The following ITGA2 variants were observed in gnomAD, a reference collection of about 807,000 sequenced individuals.
ITGA2 encodes integrin subunit alpha 2.
In ITGA2, 101 loss-of-function variants were observed where a neutral mutation model predicts 146.3. The ratio of observed to expected loss-of-function variants is 0.69; its 90% confidence interval spans 0.59 to 0.81. ITGA2 has a LOEUF of 0.81. ITGA2 is among the 40% of genes least tolerant of loss of function. The pLI is 0.00. For synonymous variants in ITGA2, 477 were observed against 487.1 expected (o/e 0.98, Z 0.27); for missense variants, 1,281 against 1,402.7 (o/e 0.91, Z 1.39).
intron 3 of ITGA2, 116 bp downstream of exon 3, chr5:53,042,337 A>C: frequency 1.3e-6 from 1 of 743,160 alleles, no homozygotes; most frequent in South Asian, 1.4e-5. Flanking sequence ...TTTTGCCCTT[A>C]TGTCTTTAGT....
intron 7 of ITGA2, among the ~76,000 whole-genome samples, chr5:53,055,319 A>G (rs763755576): frequency 2.6e-5 from 4 of 152,118 alleles, no homozygotes; most frequent in Non-Finnish European, 5.9e-5. Flanking sequence ...ATATGCCCTG[A>G]CACACAAGAC....
At chr5:53,005,194 A>T (rs1168657389) in intron 1 of ITGA2, among the ~76,000 whole-genome samples, 1 of 152,048 alleles carries the variant, frequency 6.6e-6, no homozygotes, top group Non-Finnish European at 1.5e-5. Flanking sequence ...CCATGGAAGG[A>T]TAATATTTTC....
At chr5:53,056,498 A>G (rs1744641633) in intron 9 of ITGA2, among the ~76,000 whole-genome samples, 1 of 151,978 alleles carries the variant, frequency 6.6e-6, no homozygotes. Flanking sequence ...AAGCTCATAC[A>G]CTGTTGATAG....
In ITGA2 at chr5:53,092,025, A is replaced by G. The variant is rs765727599; in HGVS notation, c.*1426A>G. On this transcript the variant is annotated 3_prime_UTR_variant, in exon 30 of 30. Transcript: ENST00000296585. ...CCTGAGATGATTTGGTCAGATTGGG[A>G]TAAGGCCCAGCAATCTGCATTTTAA... 3.3e-5 allele frequency: 5 copies of G among 152,168 alleles called. No individual in the cohort carries two copies. The highest frequency in any genetic ancestry group is 7.4e-5 in the Non-Finnish European group (5 of 68,020). 9.4% of individuals were successfully genotyped at this position (152,168 alleles called of 1,614,324 possible). A position where few individuals can be genotyped will look rare whatever the true frequency, so the allele number is the denominator to read the frequency against.
intron 3 of ITGA2, among the ~76,000 whole-genome samples, chr5:53,044,210 G>C (rs915235457): frequency 2.2e-5 from 3 of 134,252 alleles, no homozygotes; most frequent in African/African-American, 8.3e-5. Context: ...GGGAGGCAGA[G>C]GTTGCAGTGA....
intron 1 of ITGA2, among the ~76,000 whole-genome samples, chr5:53,008,169 C>A (rs186037520): frequency 6.6e-6 from 1 of 151,788 alleles, no homozygotes; most frequent in Admixed American, 6.6e-5. Flanking sequence ...GTTAAAAGTT[C>A]AAGATCAAGG....
At chr5:53,073,946 A>C (rs1267530400) in intron 20 of ITGA2, among the ~76,000 whole-genome samples, 1 of 115,070 alleles carries the variant, frequency 8.7e-6, no homozygotes, top group East Asian at 2.1e-4. Flanking sequence ...AAGAAAACTA[A>C]AAAAAAAAAA....
intron 23 of ITGA2, among the ~76,000 whole-genome samples, chr5:53,076,113 A>G (rs577272528): frequency 1.3e-5 from 2 of 152,164 alleles, no homozygotes; most frequent in East Asian, 3.9e-4. Context: ...TGGCACAGAC[A>G]AACTGGAACA....
At chr5:53,007,102 G>C (rs1241974756) in intron 1 of ITGA2, among the ~76,000 whole-genome samples, 2 of 152,146 alleles carry the variant, frequency 1.3e-5, no homozygotes, top group Non-Finnish European at 2.9e-5. Flanking sequence ...GAATTCTCTT[G>C]TTCTCTTTAG....
intron 16 of ITGA2, among the ~76,000 whole-genome samples, chr5:53,067,967 C>CTG: frequency 6.6e-6 from 1 of 152,026 alleles, no homozygotes; most frequent in East Asian, 1.9e-4. Context: ...AATTATCTCA[C>CTG]CATGCTCAAT....
Position 53,024,449 on chromosome 5 carries a change from TAAA to T in ITGA2, c.65-2292_65-2290del, listed in dbSNP as rs777867572. Among the ~76,000 whole-genome samples, 3 of 151,566 alleles carry T rather than the reference TAAA, an allele frequency of 2.0e-5. No homozygotes were observed. The South Asian group carries it at 6.3e-4, about 32-fold the overall frequency. On this transcript the variant is annotated intron_variant, in intron 1 of 29. Coordinates refer to ENST00000296585, the MANE Select transcript of ITGA2 (RefSeq NM_002203.4). ...ATATAGTAATTAAAATGCATTTTAT[TAAA>T]AAAAAATCCTAGGTGCTGAGAAAGT...
intron 6 of ITGA2, among the ~76,000 whole-genome samples, chr5:53,049,091 A>G (rs1744230917): frequency 6.6e-6 from 1 of 151,864 alleles, no homozygotes; most frequent in South Asian, 2.1e-4. Flanking sequence ...GGCTCACTGC[A>G]ACCTCTGCCT....
At chr5:53,028,523 A>G (rs1743060861) in intron 2 of ITGA2, among the ~76,000 whole-genome samples, 1 of 152,256 alleles carries the variant, frequency 6.6e-6, no homozygotes, top group Non-Finnish European at 1.5e-5. Flanking sequence ...TGAGGAGGCT[A>G]GAAAGACAAT....
chr5:53,083,532 C>T, intron 27 of ITGA2, 79 bp downstream of exon 27: 1 of 912,022 alleles, frequency 1.1e-6, no homozygotes, highest in Non-Finnish European at 1.8e-6. Context: ...TCCCCTTTGA[C>T]AAAATAAGTA....
In ITGA2 at chr5:53,053,001, TCTGTCC is replaced by T. The variant is rs1744451922; in HGVS notation, c.779+1444_779+1449del. Among the ~76,000 whole-genome samples the T allele has an allele frequency of 2.6e-5, 4 of 152,168 alleles. No individual in the cohort carries two copies. The East Asian group carries it at 7.7e-4, about 29-fold the overall frequency. ...GTGTTGGCTCACTTACCAAATTCAA[TCTGTCC>T]CACACTGGCCTTATTCTTTTCCCTA... On this transcript the variant is annotated intron_variant, in intron 7 of 29. Coordinates refer to ENST00000296585, the MANE Select transcript of ITGA2 (RefSeq NM_002203.4).
intron 18 of ITGA2, 32 bp downstream of exon 18, chr5:53,072,080 C>A: frequency 6.9e-7 from 1 of 1,455,898 alleles, no homozygotes; most frequent in Non-Finnish European, 9.6e-7. Context: ...TGGATTTAGA[C>A]TGGCAAATAA....
chr5:53,014,774 A>G (rs887646012), intron 1 of ITGA2, among the ~76,000 whole-genome samples: 1 of 151,866 alleles, frequency 6.6e-6, no homozygotes, highest in Admixed American at 6.6e-5. Flanking sequence ...TTCAATTTCA[A>G]AATGCATTAT....
chr5:53,081,804 C>G (rs1745935900), intron 26 of ITGA2, 108 bp downstream of exon 26: 4 of 755,336 alleles, frequency 5.3e-6, no homozygotes, highest in Non-Finnish European at 9.0e-6. Context: ...TCTTATTTTG[C>G]CTTTGATGCT....
At chr5:53,050,750 C>A (rs1685508923) in intron 6 of ITGA2, among the ~76,000 whole-genome samples, 1 of 152,158 alleles carries the variant, frequency 6.6e-6, no homozygotes, top group African/African-American at 2.4e-5. Context: ...GGAATGCTCC[C>A]AAACATCTTG....
Sources: gnomAD v4.1 joint callset for allele counts (sites outside exome capture counted in the v4.1 genomes callset) on GRCh38, gnomAD v4.1.1 for gene constraint, MANE v1.5 for transcripts, NCBI Gene and HGNC (gene_info 2026-07-23, HGNC 2026-07-21) for gene names.